The following NEGR1 variants were observed in gnomAD, a reference collection of about 807,000 sequenced individuals.
NEGR1 encodes neuronal growth regulator 1, also known as IgLON family member 4.
In NEGR1, 10 loss-of-function variants were observed where a neutral mutation model predicts 40.9. That is an observed-to-expected ratio of 0.24 (90% CI 0.15 to 0.42). NEGR1 has a LOEUF of 0.42. Ranked by LOEUF, NEGR1 falls within the 10% of genes least tolerant of loss-of-function variation. The pLI is 1.00. For synonymous variants in NEGR1, 185 were observed against 166.8 expected (o/e 1.11, Z -0.84); for missense variants, 352 against 438.9 (o/e 0.80, Z 1.77).
At chr1:72,000,010 T>A (rs1230379487) in intron 1 of NEGR1, among the ~76,000 whole-genome samples, 3 of 151,966 alleles carry the variant, frequency 2.0e-5, no homozygotes, top group African/African-American at 7.2e-5. Flanking sequence ...TACTGTGAAC[T>A]AAATGTGCAT....
intron 2 of NEGR1, among the ~76,000 whole-genome samples, chr1:71,788,435 C>G (rs1008498046): frequency 7.2e-6 from 1 of 139,512 alleles, no homozygotes; most frequent in East Asian, 2.0e-4. Context: ...AGATATAAGA[C>G]AGTTCACATG....
chr1:72,063,173 T>G (rs563021518), intron 1 of NEGR1, among the ~76,000 whole-genome samples: 2 of 151,986 alleles, frequency 1.3e-5, no homozygotes, highest in Non-Finnish European at 2.9e-5. Flanking sequence ...ATTTTGAAAT[T>G]AAATATTTTT....
intron 4 of NEGR1, among the ~76,000 whole-genome samples, chr1:71,629,028 C>A (rs1322711334): frequency 1.3e-5 from 2 of 152,124 alleles, no homozygotes; most frequent in East Asian, 3.9e-4. Context: ...TACACTCCCA[C>A]CAACAGTGTG....
At chr1:72,142,668 T>C (rs781062579) in intron 1 of NEGR1, among the ~76,000 whole-genome samples, 1 of 151,910 alleles carries the variant, frequency 6.6e-6, no homozygotes, top group Non-Finnish European at 1.5e-5. Flanking sequence ...ATCTATTATC[T>C]TCCAGGCTAC....
intron 2 of NEGR1, among the ~76,000 whole-genome samples, chr1:71,833,778 T>G (rs1320294213): frequency 6.6e-6 from 1 of 152,042 alleles, no homozygotes; most frequent in Non-Finnish European, 1.5e-5. Context: ...TTCATGTGCT[T>G]AATTATTTTG....
intron 1 of NEGR1, among the ~76,000 whole-genome samples, chr1:72,070,833 A>C (rs1647432716): frequency 6.6e-6 from 1 of 152,114 alleles, no homozygotes; most frequent in African/African-American, 2.4e-5. Context: ...ACAGCATATT[A>C]GGAAATTAAG....
chr1:71,827,014 G>A (rs1000607067), intron 2 of NEGR1, among the ~76,000 whole-genome samples: 1 of 151,804 alleles, frequency 6.6e-6, no homozygotes, highest in Non-Finnish European at 1.5e-5. Flanking sequence ...TTTAGCAAGC[G>A]ATTGCTTTTA....
At chr1:72,109,737 T>C (rs1004956375) in intron 1 of NEGR1, among the ~76,000 whole-genome samples, 17 of 151,680 alleles carry the variant, frequency 1.1e-4, no homozygotes, top group African/African-American at 4.1e-4. Flanking sequence ...AGCTCCTAAC[T>C]GGCTTTAAAT....
chr1:71,825,310 A>T (rs1448519880), intron 2 of NEGR1, among the ~76,000 whole-genome samples: 1 of 152,000 alleles, frequency 6.6e-6, no homozygotes, highest in Admixed American at 6.6e-5. Context: ...TTCAGAAAAC[A>T]GTCTGAGTTC....
intron 1 of NEGR1, among the ~76,000 whole-genome samples, chr1:72,052,242 C>G (rs1357588025): frequency 1.3e-5 from 2 of 151,350 alleles, no homozygotes; most frequent in East Asian, 3.9e-4. Flanking sequence ...CAAATTATTC[C>G]AGAAAAATGC....
At chr1:71,627,599 T>G (rs1015200787) in intron 4 of NEGR1, among the ~76,000 whole-genome samples, 2 of 152,026 alleles carry the variant, frequency 1.3e-5, no homozygotes, top group African/African-American at 4.8e-5. Flanking sequence ...TGACATATCT[T>G]TAATGCCCAT....
intron 3 of NEGR1, among the ~76,000 whole-genome samples, chr1:71,706,997 A>G (rs1653922985): frequency 6.6e-6 from 1 of 152,130 alleles, no homozygotes; most frequent in Non-Finnish European, 1.5e-5. Flanking sequence ...GTCTTGTTAG[A>G]GCAGGAAGGA....
At chr1:71,592,763 T>G in intron 6 of NEGR1, 54 bp downstream of exon 6, 2 of 1,437,314 alleles carry the variant, frequency 1.4e-6, no homozygotes, top group Admixed American at 1.9e-5. Context: ...TCTCTACAGA[T>G]GGATAGGGGC....
intron 1 of NEGR1, among the ~76,000 whole-genome samples, chr1:72,268,064 G>A (rs1655711391): frequency 6.6e-6 from 1 of 151,300 alleles, no homozygotes; most frequent in Non-Finnish European, 1.5e-5. Flanking sequence ...ACTCTTCACG[G>A]TATCAGAAAG....
intron 1 of NEGR1, among the ~76,000 whole-genome samples, chr1:72,075,337 C>T (rs1332424873): frequency 6.6e-6 from 1 of 152,076 alleles, no homozygotes; most frequent in Non-Finnish European, 1.5e-5. Context: ...AGAAAACAGG[C>T]AAGTCAGTCT....
intron 1 of NEGR1, among the ~76,000 whole-genome samples, chr1:71,999,062 A>G (rs1337131606): frequency 1.3e-5 from 2 of 151,930 alleles, no homozygotes; most frequent in East Asian, 1.9e-4. Flanking sequence ...TCCATCATCT[A>G]TGAAACACAC....
chr1:72,211,086 T>G (rs2100463074), intron 1 of NEGR1, among the ~76,000 whole-genome samples: 1 of 151,966 alleles, frequency 6.6e-6, no homozygotes, highest in Middle Eastern at 3.4e-3. Context: ...ATTCACAATT[T>G]TCTGAAAAAG....
At chr1:71,902,987 T>C (rs930423773) in intron 2 of NEGR1, among the ~76,000 whole-genome samples, 2 of 152,030 alleles carry the variant, frequency 1.3e-5, no homozygotes, top group South Asian at 2.1e-4. Flanking sequence ...ATGCCAATGA[T>C]TTATTGAAAT....
intron 1 of NEGR1, among the ~76,000 whole-genome samples, chr1:72,265,318 T>G (rs1655603819): frequency 6.6e-6 from 1 of 151,044 alleles, no homozygotes; most frequent in Admixed American, 6.6e-5. Flanking sequence ...TAATTTTAAT[T>G]AATTTTGTGA....
Sources: gnomAD v4.1 joint callset for allele counts (sites outside exome capture counted in the v4.1 genomes callset) on GRCh38, gnomAD v4.1.1 for gene constraint, MANE v1.5 for transcripts, NCBI Gene and HGNC (gene_info 2026-07-23, HGNC 2026-07-21) for gene names.